The following ARHGEF17 variants were observed in gnomAD, a reference collection of about 807,000 sequenced individuals.
The protein encoded by ARHGEF17 is 164 kDa Rho-specific guanine-nucleotide exchange factor.
In ARHGEF17, 80 loss-of-function variants were observed where a neutral mutation model predicts 174.0. That is an observed-to-expected ratio of 0.46 (90% confidence interval 0.38 to 0.55). ARHGEF17 has a LOEUF of 0.55. Among genes scored for constraint, ARHGEF17 ranks in the 20% least tolerant of loss-of-function variants. The pLI is 0.00. For missense variants in ARHGEF17, 2,886 were observed against 2,839.7 expected, an observed-to-expected ratio of 1.02 and a Z score of -0.37; for synonymous variants, 1,311 against 1,189.1, an observed-to-expected ratio of 1.10 and a Z score of -2.11.
At chr11:73,355,501 T>G in intron 3 of ARHGEF17, 32 bp from the exon 4 acceptor site, 9 of 1,516,388 alleles carry the variant, frequency 5.9e-6, no homozygotes, top group Non-Finnish European at 8.2e-6. Context: ...AGGGACACCT[T>G]GAGGGTCCCC....
intron 1 of ARHGEF17, among the ~76,000 whole-genome samples, chr11:73,314,273 C>G (rs111427462): frequency 6.6e-6 from 1 of 152,222 alleles, no homozygotes; most frequent in African/African-American, 2.4e-5. Context: ...TAAGCAGAGA[C>G]GAGAGGAGCT....
At position 73,330,560 on chromosome 11, in the gene ARHGEF17, G is replaced by A. The variant is rs539709053; in HGVS notation, c.3193-16323G>A. On this transcript the variant is annotated intron_variant, in intron 1 of 20. Transcript: ENST00000263674. ...GGTGTGAAGGTCAGCTGAGGGGATC[G>A]AGGCTGTGGCTGTGGAGGGGCAGGG... Among the ~76,000 whole-genome samples the A allele has an allele frequency of 1.5e-4, 23 of 152,292 alleles. 1 individual carries two copies. The South Asian group carries it at 4.4e-3, about 29-fold the overall frequency.
rs746825907 is a variant in ARHGEF17 at position 73,364,208 on chromosome 11, T to C, written c.5370T>C (p.Asn1790=). ...LNNQVFVSLA[N]GELVVYQREA... ...ACCAGGTGTTTGTGTCTCTGGCCAA[T>C]GGAGAGCTTGTGGTCTACCAAAGGG... The change falls in exon 17 of 21, where the codon AAT becomes AAC. Residue 1790 remains asparagine, a synonymous_variant. Transcript: ENST00000263674. 38 of 1,614,070 alleles carry C rather than the reference T, an allele frequency of 2.4e-5. No individual in the cohort carries two copies. Among genetic ancestry groups the C allele is most frequent in the Non-Finnish European group, 3.1e-5 (36 of 1,180,048 alleles).
In ARHGEF17 at chr11:73,357,317, C is replaced by T. The variant is rs1417771375; in HGVS notation, c.4077C>T (p.Asp1359=). 6.2e-7 allele frequency: 1 copy of T among 1,613,810 alleles called. No individual in the cohort carries two copies. The highest frequency in any genetic ancestry group is 8.5e-7 in the Non-Finnish European group (1 of 1,179,834). ...MLWKLPLEDA[D]IIKGASQATN... is the part of the protein sequence containing the mutation. Reference sequence around the variant, plus strand: ...GGAAGCTGCCGCTGGAAGACGCAGACATCATCAAAGGTGGGTTTGATGCTA... The same window carrying T: ...GGAAGCTGCCGCTGGAAGACGCAGATATCATCAAAGGTGGGTTTGATGCTA... The change falls in exon 9 of 21, where the codon GAC becomes GAT. Residue 1359 remains aspartate (D), a synonymous_variant. Coordinates refer to ENST00000263674, the MANE Select transcript of ARHGEF17 (RefSeq NM_014786.4).
chr11:73,349,655 G>A (rs1485725917), intron 2 of ARHGEF17, among the ~76,000 whole-genome samples: 1 of 152,150 alleles, frequency 6.6e-6, no homozygotes, highest in Non-Finnish European at 1.5e-5. Context: ...AGGTGATGAC[G>A]GCACCCATGC....
At chr11:73,350,832 C>G (rs1179193820) in intron 2 of ARHGEF17, among the ~76,000 whole-genome samples, 1 of 152,192 alleles carries the variant, frequency 6.6e-6, no homozygotes, top group Non-Finnish European at 1.5e-5. Context: ...TGTCTTCCAC[C>G]ATGCTGTATA....
At chr11:73,327,058 C>T (rs978569457) in intron 1 of ARHGEF17, among the ~76,000 whole-genome samples, 7 of 152,236 alleles carry the variant, frequency 4.6e-5, no homozygotes, top group Admixed American at 1.3e-4. Flanking sequence ...GGTCTCCAGA[C>T]GCAGCCAGGA....
rs745438319 is a variant in ARHGEF17 at position 73,310,514 on chromosome 11, G to A, written c.1876G>A (p.Val626Met). ...PPGSPDWAGD[V>M]TRGQRSQEEL... ...TGGAAGCCCTGACTGGGCAGGGGAT[G>A]TGACCCGAGGGCAGCGGTCCCAGGA... The change falls in exon 1 of 21, where the codon GTG (valine) becomes ATG (methionine). Residue 626 changes from valine (V) to methionine (M), a missense_variant. Around this residue, in one of 4 missense-constraint regions of ARHGEF17, gnomAD observed 1,728 missense variants for 1,461.2 expected, o/e 1.18. Coordinates refer to ENST00000263674, the MANE Select transcript of ARHGEF17 (RefSeq NM_014786.4). 1.2e-6 allele frequency: 2 copies of A among 1,614,064 alleles called. No individual in the cohort carries two copies. Among genetic ancestry groups the A allele is most frequent in the Non-Finnish European group, 1.7e-6 (2 of 1,180,048 alleles).
At position 73,368,855 on chromosome 11, in the gene ARHGEF17, C is replaced by T. The variant is rs1237373904; in HGVS notation, c.*1075C>T. On this transcript the variant is annotated 3_prime_UTR_variant, in exon 21 of 21. Transcript: ENST00000263674. ...CACTTGAGAGCAGCCTCTACCTGAC[C>T]CCCTGGACCACAGAGAGCCACTCTG... 1 of 152,232 alleles carries T rather than the reference C, an allele frequency of 6.6e-6. No individual in the cohort carries two copies. Among genetic ancestry groups the T allele is most frequent in the African/African-American group, 2.4e-5 (1 of 41,406 alleles). 9.4% of individuals were successfully genotyped at this position (152,232 alleles called of 1,614,324 possible). A position where few individuals can be genotyped will look rare whatever the true frequency, so the allele number is the denominator to read the frequency against.
At chr11:73,316,628 G>A (rs1864932925) in intron 1 of ARHGEF17, among the ~76,000 whole-genome samples, 1 of 152,234 alleles carries the variant, frequency 6.6e-6, no homozygotes, top group South Asian at 2.1e-4. Flanking sequence ...AAGGCACTGA[G>A]GTGGTTGAGA....
At chr11:73,324,143 G>A (rs1262393510) in intron 1 of ARHGEF17, among the ~76,000 whole-genome samples, 7 of 152,122 alleles carry the variant, frequency 4.6e-5, no homozygotes, top group South Asian at 2.1e-4. Context: ...GTCAGGAACC[G>A]CCTCTGTCCC....
At position 73,311,693 on chromosome 11, in the gene ARHGEF17, G is replaced by A. The variant is rs541788598; in HGVS notation, c.3055G>A (p.Val1019Ile). The change falls in exon 1 of 21, where the codon GTC (valine) becomes ATC (isoleucine). Residue 1019 changes from valine (V) to isoleucine (I), a missense_variant. Val to Ile is a conservative substitution (Grantham distance 29, BLOSUM62 3). Transcript: ENST00000263674. ...CATGCTGAACCTGCACTCCGGTGAG[G>A]TCCCTGCCCCAGTGCCAGTGGACAT... ...QYMLNLHSGE[V>I]PAPVPVDMPC... 9.9e-6 allele frequency: 16 copies of A among 1,613,404 alleles called. No individual in the cohort carries two copies. The South Asian group carries it at 1.4e-4, about 14-fold the overall frequency.
intron 1 of ARHGEF17, among the ~76,000 whole-genome samples, chr11:73,331,605 G>A (rs1865204403): frequency 6.6e-6 from 1 of 151,702 alleles, no homozygotes; most frequent in East Asian, 1.9e-4. Flanking sequence ...GGCCTGGAGG[G>A]TTGGGCGAGG....
At chr11:73,367,502 G>A in intron 20 of ARHGEF17, 82 bp from the exon 21 acceptor site, 1 of 1,210,814 alleles carries the variant, frequency 8.3e-7, no homozygotes, top group Non-Finnish European at 1.2e-6. Context: ...CCTATCTTCT[G>A]GGGTGTGGGA....
At chr11:73,364,922 C>T (rs1262201736) in intron 18 of ARHGEF17, 7 of 342,492 alleles carry the variant, frequency 2.0e-5, no homozygotes, top group Non-Finnish European at 1.1e-5. Flanking sequence ...TAGCATTAGA[C>T]TCTGGCATTT....
chr11:73,309,563 G>C lies in ARHGEF17; in HGVS notation c.925G>C (p.Asp309His). 1 of 1,607,072 alleles carries C rather than the reference G, an allele frequency of 6.2e-7. No individual in the cohort carries two copies. Among genetic ancestry groups the C allele is most frequent in the Non-Finnish European group, 8.5e-7 (1 of 1,175,240 alleles). ...CCTATTGGATCAGGACTGCAGGCCT[G>C]ACAGTGATGGGTTAAATCTAAGCAG... ...SSLLDQDCRP[D>H]SDGLNLSSMN... Residue 309 changes from aspartate to histidine, a missense_variant, in exon 1 of 21, where the codon GAC (aspartate) becomes CAC (histidine). This residue lies in a region of ARHGEF17 where 1,728 missense variants were observed against 1,461.2 expected (regional missense o/e 1.18). Coordinates refer to ENST00000263674, the MANE Select transcript of ARHGEF17 (RefSeq NM_014786.4).
chr11:73,313,252 C>T (rs1864871304), intron 1 of ARHGEF17, among the ~76,000 whole-genome samples: 2 of 152,164 alleles, frequency 1.3e-5, no homozygotes, highest in Middle Eastern at 3.2e-3. Context: ...CCTGTCCTTC[C>T]TTCTGAGTCC....
rs768334877 is a variant in ARHGEF17, at chr11:73,363,426, C to T, written c.5217C>T (p.Ser1739=). The change falls in exon 15 of 21, where the codon AGC becomes AGT. Residue 1739 remains serine, a synonymous_variant. Coordinates refer to ENST00000263674, the MANE Select transcript of ARHGEF17 (RefSeq NM_014786.4). ...LLSVDPEAYQ[S]SVWLGTEDGC... ...GTGTCGACCCTGAGGCCTACCAGAG[C>T]TCCGTGTGGCTGGGCACTGAGGATG... The T allele has an allele frequency of 6.2e-7, 1 of 1,613,260 alleles. No individual in the cohort carries two copies. Among genetic ancestry groups the T allele is most frequent in the Non-Finnish European group, 8.5e-7 (1 of 1,179,834 alleles).
At chr11:73,334,022 C>T (rs1409040865) in intron 1 of ARHGEF17, among the ~76,000 whole-genome samples, 2 of 152,214 alleles carry the variant, frequency 1.3e-5, no homozygotes, top group Non-Finnish European at 2.9e-5. Context: ...GAGCACTTAA[C>T]TGTGGGTCAG....
Sources: allele counts gnomAD v4.1 joint callset (sites outside exome capture counted in the v4.1 genomes callset), GRCh38; gene constraint gnomAD v4.1.1; regional missense constraint gnomAD v4.1.1; transcripts MANE v1.5; gene names NCBI Gene and HGNC (gene_info 2026-07-23, HGNC 2026-07-21).